EIPR1: variants seen among roughly 807,000 people sequenced by gnomAD.
EIPR1 encodes the protein EARP complex and GARP complex interacting protein 1, also known as EARP and GARP complex-interacting protein 1.
Under a neutral mutation model 48.1 loss-of-function variants are expected in EIPR1, and 25 were observed. The ratio of observed to expected loss-of-function variants is 0.52; its 90% confidence interval spans 0.38 to 0.73. The LOEUF (loss-of-function observed/expected upper bound fraction) is 0.73. Among genes scored for constraint, EIPR1 ranks in the 30% least tolerant of loss-of-function variants. EIPR1 has a pLI of 0.00. For synonymous variants in EIPR1, 204 were observed against 201.9 expected, an observed-to-expected ratio of 1.01 and a Z score of -0.09; for missense variants, 415 against 506.2, an observed-to-expected ratio of 0.82 and a Z score of 1.73.
chr2:3,339,003 C>T (rs956208355), intron 2 of EIPR1, among the ~76,000 whole-genome samples: 1 of 152,098 alleles, frequency 6.6e-6, no homozygotes, highest in Non-Finnish European at 1.5e-5. Context: ...TTAGAAGTCA[C>T]CTAAATGTTT....
At chr2:3,262,925 C>G (rs1667378313) in intron 3 of EIPR1, among the ~76,000 whole-genome samples, 1 of 152,172 alleles carries the variant, frequency 6.6e-6, no homozygotes, top group South Asian at 2.1e-4. Flanking sequence ...AGGACAGAGT[C>G]AGGCAGGACC....
At chr2:3,229,580 G>A (rs1255676808) in intron 4 of EIPR1, among the ~76,000 whole-genome samples, 1 of 152,182 alleles carries the variant, frequency 6.6e-6, no homozygotes, top group Non-Finnish European at 1.5e-5. Flanking sequence ...TCTGCAACCA[G>A]GCTGTTGAAT....
chr2:3,366,491 G>C (rs553381371), intron 1 of EIPR1, among the ~76,000 whole-genome samples: 34 of 152,276 alleles, frequency 2.2e-4, no homozygotes, highest in Admixed American at 1.6e-3. Context: ...ACAGAATTGA[G>C]AAGGGTCTCT....
intron 3 of EIPR1, among the ~76,000 whole-genome samples, chr2:3,311,028 T>C (rs1669113579): frequency 1.3e-5 from 2 of 152,174 alleles, no homozygotes; most frequent in Non-Finnish European, 2.9e-5. Context: ...ATTTTCTTGT[T>C]TACAAAAATG....
At chr2:3,248,746 G>T (rs918854716) in intron 4 of EIPR1, among the ~76,000 whole-genome samples, 3 of 152,206 alleles carry the variant, frequency 2.0e-5, no homozygotes, top group East Asian at 3.8e-4. Flanking sequence ...ACTCCAGACT[G>T]GGCGACAAAG....
chr2:3,210,270 C>A (rs1054123708), intron 5 of EIPR1, among the ~76,000 whole-genome samples: 4 of 152,134 alleles, frequency 2.6e-5, no homozygotes, highest in African/African-American at 9.7e-5. Flanking sequence ...GCATTGCCAG[C>A]CACCTCCACG....
intron 3 of EIPR1, among the ~76,000 whole-genome samples, chr2:3,272,677 C>T (rs1459657441): frequency 3.3e-5 from 5 of 152,080 alleles, no homozygotes; most frequent in Non-Finnish European, 7.4e-5. Context: ...CCACAGAGCA[C>T]CATAACAGAT....
chr2:3,359,975 A>G (rs1670814504), intron 1 of EIPR1, among the ~76,000 whole-genome samples: 1 of 152,134 alleles, frequency 6.6e-6, no homozygotes, highest in Non-Finnish European at 1.5e-5. Context: ...CACACTCCCA[A>G]CGTTCAGCCC....
chr2:3,317,059 A>T (rs1187603333), intron 3 of EIPR1, among the ~76,000 whole-genome samples: 2 of 151,986 alleles, frequency 1.3e-5, no homozygotes, highest in Non-Finnish European at 2.9e-5. Context: ...GGGGTGGAGC[A>T]CAGAGCCCCA....
At chr2:3,305,317 A>C (rs1572419637) in intron 3 of EIPR1, among the ~76,000 whole-genome samples, 4 of 130,806 alleles carry the variant, frequency 3.1e-5, no homozygotes, top group African/African-American at 6.0e-5. Context: ...TCAACCCTCC[A>C]CTCCCGTCCA....
At chr2:3,299,356 T>C (rs563249488) in intron 3 of EIPR1, among the ~76,000 whole-genome samples, 5 of 135,492 alleles carry the variant, frequency 3.7e-5, no homozygotes, top group African/African-American at 1.3e-4. Context: ...TGCTCGGCCC[T>C]GGGTCAGCTC....
intron 5 of EIPR1, among the ~76,000 whole-genome samples, chr2:3,201,925 AT>A (rs1386175827): frequency 6.6e-6 from 1 of 151,936 alleles, no homozygotes; most frequent in Non-Finnish European, 1.5e-5. Flanking sequence ...TTTTTATTTT[AT>A]TTTATTTTTT....
intron 3 of EIPR1, among the ~76,000 whole-genome samples, chr2:3,287,067 A>G (rs1034365227): frequency 3.5e-4 from 47 of 133,872 alleles, no homozygotes; most frequent in South Asian, 5.1e-4. Context: ...CACACAGAGT[A>G]CCAGCCGGCA....
intron 3 of EIPR1, among the ~76,000 whole-genome samples, chr2:3,259,519 C>G (rs1246344739): frequency 6.6e-6 from 1 of 152,178 alleles, no homozygotes; most frequent in East Asian, 1.9e-4. Context: ...ATGAAGTTTC[C>G]ACGTATCCGG....
Position 3,189,614 on chromosome 2 carries a change from G to A in EIPR1, c.990-106C>T, listed in dbSNP as rs1558210118. On this transcript the variant is annotated intron_variant, in intron 8 of 8. Coordinates refer to ENST00000382125, the MANE Select transcript of EIPR1 (RefSeq NM_003310.5). The surrounding 1 kb of genome is among the most constrained non-coding windows in gnomAD (Gnocchi z 4.6). ...GACATCGGGAGACACGGGAGGTACT[G>A]GGGCCTCAGCTTTCTCCGCTGTGGG... 1 of 1,120,092 alleles carries A rather than the reference G, an allele frequency of 8.9e-7. No individual in the cohort carries two copies. Among genetic ancestry groups the A allele is most frequent in the East Asian group, 2.8e-5 (1 of 36,160 alleles). 69.4% of individuals were successfully genotyped at this position (1,120,092 alleles called of 1,614,324 possible). A position where few individuals can be genotyped will look rare whatever the true frequency, so the allele number is the denominator to read the frequency against.
intron 2 of EIPR1, among the ~76,000 whole-genome samples, chr2:3,343,848 G>A (rs1026548040): frequency 2.0e-5 from 3 of 152,116 alleles, no homozygotes; most frequent in African/African-American, 7.2e-5. Flanking sequence ...TGAGGCCATC[G>A]CACTGTCCAT....
At chr2:3,279,762 G>A (rs910512072) in intron 3 of EIPR1, among the ~76,000 whole-genome samples, 20 of 152,362 alleles carry the variant, frequency 1.3e-4, no homozygotes, top group African/African-American at 4.8e-4. Flanking sequence ...CTGACGCGCA[G>A]AGCTGTGAGG....
chr2:3,375,596 T>G (rs922505865), intron 1 of EIPR1, among the ~76,000 whole-genome samples: 10 of 152,156 alleles, frequency 6.6e-5, no homozygotes, highest in Non-Finnish European at 1.5e-4. Context: ...TGTGTATCCC[T>G]ATGTGTATCT....
At position 3,227,837 on chromosome 2, in the gene EIPR1, G is replaced by T. The variant is rs866903680; in HGVS notation, c.417-13589C>A. Among the ~76,000 whole-genome samples the T allele has an allele frequency of 1.4e-4, 22 of 152,352 alleles. No homozygotes were observed. In the South Asian group the frequency reaches 3.9e-3, roughly 27 times the overall value. The stretch of plus-strand genomic sequence containing the variant: ...TATAGCTCAGGCCATTGCTTCAGAG[G>T]GTATAAGCCCCAAGCCTTGGTGCTT... On this transcript the variant is annotated intron_variant, in intron 4 of 8. Coordinates refer to ENST00000382125, the MANE Select transcript of EIPR1 (RefSeq NM_003310.5).
Sources: gnomAD v4.1 joint callset for allele counts (sites outside exome capture counted in the v4.1 genomes callset) on GRCh38, gnomAD v4.1.1 for gene constraint, Gnocchi (gnomAD v3.1) non-coding constraint, MANE v1.5 for transcripts, NCBI Gene and HGNC (gene_info 2026-07-23, HGNC 2026-07-21) for gene names.